TRDN: variants seen among roughly 807,000 people sequenced by gnomAD.
TRDN encodes triadin.
In TRDN, 161 loss-of-function variants were observed where a neutral mutation model predicts 149.7. The observed-to-expected ratio is 1.08, with a 90% CI of 0.95 to 1.23. The LOEUF (loss-of-function observed/expected upper bound fraction) is 1.23. Among genes scored for constraint, TRDN ranks in the 50% most tolerant of loss-of-function variants. TRDN has a pLI of 0.00. For synonymous variants in TRDN, 294 were observed against 250.5 expected, an observed-to-expected ratio of 1.17 and a Z score of -1.64; for missense variants, 896 against 823.5, an observed-to-expected ratio of 1.09 and a Z score of -1.08.
At chr6:123,321,285 C>T (rs984504085) in intron 23 of TRDN, among the ~76,000 whole-genome samples, 1 of 152,084 alleles carries the variant, frequency 6.6e-6, no homozygotes, top group Non-Finnish European at 1.5e-5. Context: ...ACAAAGCAAA[C>T]GGTGGAGGTC....
At chr6:123,378,453 AGTGTGTGT>A (rs59816098) in intron 16 of TRDN, among the ~76,000 whole-genome samples, 2,691 of 136,322 alleles carry the variant, frequency 0.02, 51 homozygotes, top group Admixed American at 0.036. Flanking sequence ...CCAGATTTGT[AGTGTGTGT>A]GTGTGTGTGT....
intron 1 of TRDN, among the ~76,000 whole-genome samples, chr6:123,585,237 G>A (rs1020216931): frequency 6.6e-6 from 1 of 151,694 alleles, no homozygotes; most frequent in African/African-American, 2.4e-5. Context: ...AGTCAGGGAA[G>A]CAGATAATTT....
At chr6:123,529,433 G>A (rs1348115905) in intron 5 of TRDN, 3 of 1,298,480 alleles carry the variant, frequency 2.3e-6, no homozygotes, top group Admixed American at 4.0e-5. Flanking sequence ...GACCAATCTA[G>A]AATGAATTCA....
intron 23 of TRDN, among the ~76,000 whole-genome samples, chr6:123,322,034 T>C (rs966509317): frequency 1.3e-5 from 2 of 152,296 alleles, no homozygotes; most frequent in Non-Finnish European, 1.5e-5. Flanking sequence ...ATTTCTTTAC[T>C]TCAATATTTT....
At chr6:123,259,750 C>T (rs1419860825) in intron 34 of TRDN, 88 bp from the exon 35 acceptor site, 9 of 945,178 alleles carry the variant, frequency 9.5e-6, no homozygotes, top group African/African-American at 3.4e-5. Context: ...GGAGATGAGA[C>T]TTAATCTTAT....
chr6:123,245,933 T>G (rs1459202150), intron 38 of TRDN, among the ~76,000 whole-genome samples: 2 of 152,044 alleles, frequency 1.3e-5, no homozygotes, highest in East Asian at 3.9e-4. Flanking sequence ...ATTAAGAAAC[T>G]CCCTCAAAAC....
intron 15 of TRDN, 53 bp downstream of exon 15, chr6:123,382,065 C>T: frequency 2.3e-6 from 3 of 1,325,472 alleles, no homozygotes; most frequent in Non-Finnish European, 1.0e-6. Context: ...AGAAGGTATG[C>T]TGTTTCATGG....
At chr6:123,259,602 T>C in intron 35 of TRDN, 22 bp downstream of exon 35, 3 of 1,435,920 alleles carry the variant, frequency 2.1e-6, no homozygotes, top group Non-Finnish European at 2.8e-6. Context: ...TTGATGTATA[T>C]GTCTTAAAAT....
chr6:123,383,891 G>T (rs1169723202), intron 14 of TRDN, among the ~76,000 whole-genome samples: 3 of 151,986 alleles, frequency 2.0e-5, no homozygotes, highest in Admixed American at 2.0e-4. Flanking sequence ...AAAAATAATC[G>T]ATTCCTGAGA....
intron 1 of TRDN, among the ~76,000 whole-genome samples, chr6:123,588,336 C>T (rs756689497): frequency 1.1e-4 from 16 of 152,194 alleles, no homozygotes; most frequent in South Asian, 2.1e-4. Context: ...GAGTCTGTTT[C>T]GCAACTCTTA....
chr6:123,623,998 C>A (rs944440355), intron 1 of TRDN, among the ~76,000 whole-genome samples: 1 of 152,156 alleles, frequency 6.6e-6, no homozygotes, highest in South Asian at 2.1e-4. Flanking sequence ...AAACTTTGAA[C>A]TGGCAGCCCA....
At chr6:123,449,144 A>T (rs1775606740) in intron 10 of TRDN, among the ~76,000 whole-genome samples, 1 of 152,184 alleles carries the variant, frequency 6.6e-6, no homozygotes, top group South Asian at 2.1e-4. Flanking sequence ...CAACGCTGGT[A>T]ATATGACAAA....
intron 20 of TRDN, among the ~76,000 whole-genome samples, chr6:123,356,035 A>T (rs66928682): frequency 0.23 from 35,095 of 151,466 alleles, 4,537 homozygotes; most frequent in South Asian, 0.29. Context: ...ATTGTTTTGA[A>T]TTTTTTAAGT....
At chr6:123,579,078 A>G (rs942720485) in intron 1 of TRDN, among the ~76,000 whole-genome samples, 2 of 152,194 alleles carry the variant, frequency 1.3e-5, no homozygotes, top group African/African-American at 4.8e-5. Context: ...TTAAATATAG[A>G]ATCATGTCAT....
chr6:123,362,476 G>A (rs1460502386), intron 20 of TRDN, among the ~76,000 whole-genome samples: 3 of 152,090 alleles, frequency 2.0e-5, no homozygotes, highest in Non-Finnish European at 4.4e-5. Context: ...ATGGTCTTGA[G>A]ATAATTACTG....
intron 10 of TRDN, among the ~76,000 whole-genome samples, chr6:123,459,337 A>G (rs1776318430): frequency 6.6e-6 from 1 of 152,192 alleles, no homozygotes; most frequent in African/African-American, 2.4e-5. Context: ...TAAGACAAAG[A>G]GAGAGATCTG....
intron 1 of TRDN, among the ~76,000 whole-genome samples, chr6:123,615,485 T>A (rs1177090703): frequency 2.0e-5 from 3 of 151,354 alleles, no homozygotes; most frequent in African/African-American, 7.3e-5. Context: ...TGTGTGTGTA[T>A]GTGTGTGTGT....
chr6:123,627,049 C>T (rs2114729212), intron 1 of TRDN, among the ~76,000 whole-genome samples: 1 of 152,108 alleles, frequency 6.6e-6, no homozygotes, highest in Admixed American at 6.6e-5. Flanking sequence ...CTGCCTCAGC[C>T]TCCCAAGTAA....
At chr6:123,615,510 C>T (rs1215157680) in intron 1 of TRDN, among the ~76,000 whole-genome samples, 6 of 150,812 alleles carry the variant, frequency 4.0e-5, no homozygotes, top group Middle Eastern at 3.4e-3. Context: ...ATATATAATG[C>T]CCATTCACGT....
Sources: allele counts gnomAD v4.1 joint callset (sites outside exome capture counted in the v4.1 genomes callset), GRCh38; gene constraint gnomAD v4.1.1; transcripts MANE v1.5; gene names NCBI Gene and HGNC (gene_info 2026-07-23, HGNC 2026-07-21).